ADGRB3: variants seen among roughly 807,000 people sequenced by gnomAD.
ADGRB3 encodes brain-specific angiogenesis inhibitor 3.
In ADGRB3, 37 loss-of-function variants were observed where a neutral mutation model predicts 193.4. That is an observed-to-expected ratio of 0.19 (90% confidence interval 0.15 to 0.25). The LOEUF (loss-of-function observed/expected upper bound fraction) is 0.25. ADGRB3 is among the 10% of genes least tolerant of loss of function. ADGRB3 has a pLI of 1.00. For synonymous variants in ADGRB3, 690 were observed against 644.2 expected, an observed-to-expected ratio of 1.07 and a Z score of -1.08; for missense variants, 1,637 against 1,852.9, an observed-to-expected ratio of 0.88 and a Z score of 2.14.
rs1368215997 is a variant in ADGRB3 at position 69,086,492 on chromosome 6, TC to T, written c.2480+10456del. Among the ~76,000 whole-genome samples, 9 of 152,302 alleles carry T rather than the reference TC, an allele frequency of 5.9e-5. No homozygotes were observed. In the South Asian group the frequency reaches 1.9e-3, roughly 32 times the overall value. ...CTAACTCAAAGTAGATGGCACTATT[TC>T]CTGCCACTAATACTTTACTTTGTCA... On this transcript the variant is annotated intron_variant, in intron 17 of 31. Transcript: ENST00000370598.
intron 20 of ADGRB3, among the ~76,000 whole-genome samples, chr6:69,256,662 G>C (rs1766779240): frequency 6.6e-6 from 1 of 152,142 alleles, no homozygotes; most frequent in Admixed American, 6.5e-5. Context: ...GGGACAATTT[G>C]ACTGCCTCTT....
At chr6:68,684,515 C>A (rs1368665983) in intron 3 of ADGRB3, among the ~76,000 whole-genome samples, 1 of 152,074 alleles carries the variant, frequency 6.6e-6, no homozygotes, top group Admixed American at 6.6e-5. Flanking sequence ...TTTAATCTTA[C>A]ATTTTATAAT....
At chr6:69,233,009 TC>T (rs1212359321) in intron 17 of ADGRB3, 1 of 453,966 alleles carries the variant, frequency 2.2e-6, no homozygotes, top group Non-Finnish European at 3.9e-6. Context: ...CCGCTGCTGT[TC>T]CTCGCATAGG....
intron 3 of ADGRB3, among the ~76,000 whole-genome samples, chr6:68,894,367 T>C (rs971989110): frequency 1.3e-5 from 2 of 152,002 alleles, no homozygotes; most frequent in Non-Finnish European, 2.9e-5. Context: ...GGTTTAATTG[T>C]TGAACTTCCA....
chr6:69,388,439 T>A (rs760933875), intron 31 of ADGRB3, among the ~76,000 whole-genome samples: 33 of 152,104 alleles, frequency 2.2e-4, no homozygotes, highest in Middle Eastern at 3.2e-3. Flanking sequence ...AAACAAAACA[T>A]CGCCTACTTT....
chr6:68,944,039 T>C (rs756441678), intron 6 of ADGRB3, 45 bp downstream of exon 6: 3 of 1,555,862 alleles, frequency 1.9e-6, no homozygotes, highest in African/African-American at 2.7e-5. Context: ...ATGTGCTTTT[T>C]ATATGATTCC....
chr6:69,089,176 A>G (rs1047436018), intron 17 of ADGRB3, among the ~76,000 whole-genome samples: 4 of 152,212 alleles, frequency 2.6e-5, no homozygotes, highest in African/African-American at 4.8e-5. Context: ...CTATTATTGG[A>G]AGTAGACAGC....
chr6:68,960,542 C>T (rs983339590), intron 8 of ADGRB3, among the ~76,000 whole-genome samples: 5 of 152,112 alleles, frequency 3.3e-5, no homozygotes, highest in Admixed American at 1.3e-4. Flanking sequence ...CTGGAAGTGA[C>T]GGTTCCTTAT....
intron 3 of ADGRB3, among the ~76,000 whole-genome samples, chr6:68,675,817 G>A (rs1403473251): frequency 1.3e-5 from 2 of 152,158 alleles, no homozygotes; most frequent in Admixed American, 6.5e-5. Context: ...TAGTGGCGAA[G>A]CTTCAGACAG....
chr6:69,300,005 G>A (rs1403677170), intron 20 of ADGRB3, among the ~76,000 whole-genome samples: 3 of 151,418 alleles, frequency 2.0e-5, no homozygotes, highest in African/African-American at 7.3e-5. Context: ...ACCAAAAGTA[G>A]AGAAAGACTA....
intron 16 of ADGRB3, among the ~76,000 whole-genome samples, chr6:69,069,724 C>T (rs1300202415): frequency 9.4e-6 from 1 of 106,838 alleles, no homozygotes; most frequent in Non-Finnish European, 1.9e-5. Context: ...GAGTGAGACT[C>T]TCTCATTAAA....
At position 68,876,955 on chromosome 6, in the gene ADGRB3, G is replaced by A. The variant is rs531855471; in HGVS notation, c.758-53604G>A. 1.0e-3 allele frequency among the ~76,000 whole-genome samples: 155 copies of A among 151,594 alleles called. 1 individual carries two copies. Among genetic ancestry groups the A allele is most frequent in the African/African-American group, 3.0e-3 (125 of 41,348 alleles). ...GCATTGAAAAAACTAGGGCTCAAGT[G>A]GCTATATGTTAATTTTAAATGTTTA... is the stretch of plus-strand genomic sequence containing the variant. On this transcript the variant is annotated intron_variant, in intron 3 of 31. Transcript: ENST00000370598.
chr6:68,707,780 C>A (rs1033328797), intron 3 of ADGRB3, among the ~76,000 whole-genome samples: 1 of 152,128 alleles, frequency 6.6e-6, no homozygotes, highest in Non-Finnish European at 1.5e-5. Context: ...TATTATCATT[C>A]CCCCTACTTT....
rs571796437 is a variant in ADGRB3, at chr6:68,929,928, A to C, written c.758-631A>C. ...AAATTTTATAAATATAACTTTTAAA[A>C]GAGAAAATATTCTCTTACATGTGAT... On this transcript the variant is annotated intron_variant, in intron 3 of 31. Transcript: ENST00000370598. Among the ~76,000 whole-genome samples, 182 of 152,158 alleles carry C rather than the reference A, an allele frequency of 1.2e-3. 2 individuals carry two copies. The highest frequency in any genetic ancestry group is 1.3e-4 in the Non-Finnish European group (9 of 67,962).
At chr6:69,031,035 TTCTC>T (rs1307931398) in intron 13 of ADGRB3, among the ~76,000 whole-genome samples, 2 of 62,928 alleles carry the variant, frequency 3.2e-5, no homozygotes, top group African/African-American at 6.9e-5. Context: ...TCCTCTTCTC[TTCTC>T]TCTTCTCTTC....
intron 17 of ADGRB3, among the ~76,000 whole-genome samples, chr6:69,136,418 T>C (rs1567660): frequency 0.64 from 97,108 of 151,974 alleles, 32,270 homozygotes; most frequent in East Asian, 0.95. Context: ...AATAAGCTCT[T>C]CTTTATATGT....
chr6:69,149,975 T>TGTGTGTGG (rs1582500352), intron 17 of ADGRB3, among the ~76,000 whole-genome samples: 1 of 135,506 alleles, frequency 7.4e-6, no homozygotes, highest in South Asian at 2.3e-4. Context: ...TGTGTGTGTG[T>TGTGTGTGG]TGAGATCCCT....
chr6:68,914,695 T>C (rs1206289177), intron 3 of ADGRB3, among the ~76,000 whole-genome samples: 1 of 152,214 alleles, frequency 6.6e-6, no homozygotes, highest in Non-Finnish European at 1.5e-5. Context: ...CTTATTTATG[T>C]TCCATAAAAG....
chr6:69,343,819 T>G (rs1461027824), intron 26 of ADGRB3, among the ~76,000 whole-genome samples: 1 of 152,182 alleles, frequency 6.6e-6, no homozygotes, highest in African/African-American at 2.4e-5. Context: ...GCTAATATGT[T>G]TAACAGCTAA....
Sources: allele counts gnomAD v4.1 joint callset (sites outside exome capture counted in the v4.1 genomes callset), GRCh38; gene constraint gnomAD v4.1.1; transcripts MANE v1.5; gene names NCBI Gene and HGNC (gene_info 2026-07-23, HGNC 2026-07-21).